The following EPM2A variants were observed in gnomAD, a reference collection of about 807,000 sequenced individuals.
EPM2A encodes the protein laforin.
EPM2A carries 21 observed loss-of-function variants against 26.5 expected under a neutral mutation model. The ratio of observed to expected loss-of-function variants is 0.79; its 90% CI spans 0.56 to 1.14. The LOEUF (loss-of-function observed/expected upper bound fraction) is 1.14, where lower values mean the gene tolerates loss of function less well. Ranked by LOEUF, EPM2A falls within the 50% of genes most tolerant of loss-of-function variation. The pLI is 0.00. For synonymous variants in EPM2A, 217 were observed against 177.6 expected (o/e 1.22, Z -1.76); for missense variants, 458 against 440.8 (o/e 1.04, Z -0.35).
At chr6:145,635,014 T>C (rs1776539163) in intron 3 of EPM2A, 2 of 464,758 alleles carry the variant, frequency 4.3e-6, no homozygotes, top group African/African-American at 2.0e-5. Context: ...TAATGCCGCA[T>C]ACCCAGTACA....
chr6:145,692,746 G>C (rs897849166), intron 1 of EPM2A, among the ~76,000 whole-genome samples: 2 of 151,740 alleles, frequency 1.3e-5, no homozygotes, highest in African/African-American at 2.4e-5. Flanking sequence ...ATTATTTCTG[G>C]GCTCTCTATT....
intron 2 of EPM2A, among the ~76,000 whole-genome samples, chr6:145,610,798 G>C (rs888656354): frequency 2.0e-5 from 3 of 152,170 alleles, no homozygotes; most frequent in Non-Finnish European, 4.4e-5. Flanking sequence ...ATAGTGGTCA[G>C]AGCAAAAGTC....
At chr6:145,581,248 T>C (rs557230269) in intron 2 of EPM2A, among the ~76,000 whole-genome samples, 2 of 152,174 alleles carry the variant, frequency 1.3e-5, no homozygotes, top group Non-Finnish European at 2.9e-5. Flanking sequence ...ATTTCTCAAA[T>C]GATTAGTGAT....
At chr6:145,643,366 T>A (rs1475146963) in intron 2 of EPM2A, among the ~76,000 whole-genome samples, 2 of 152,210 alleles carry the variant, frequency 1.3e-5, no homozygotes, top group African/African-American at 4.8e-5. Context: ...ATTCAATTCC[T>A]TTTGTTTTCC....
intron 4 of EPM2A, among the ~76,000 whole-genome samples, chr6:145,441,873 C>CAAAACA (rs988533115): frequency 3.3e-5 from 5 of 151,994 alleles, no homozygotes; most frequent in East Asian, 1.9e-4. Flanking sequence ...AAAACAACAA[C>CAAAACA]AAAACAAAAA....
intron 2 of EPM2A, among the ~76,000 whole-genome samples, chr6:145,557,598 T>C (rs747937398): frequency 7.2e-5 from 11 of 152,104 alleles, no homozygotes; most frequent in Non-Finnish European, 1.3e-4. Flanking sequence ...TTATTTATCA[T>C]TTTATTTTTA....
chr6:145,466,873 C>T (rs1484238689), intron 4 of EPM2A, among the ~76,000 whole-genome samples: 1 of 152,134 alleles, frequency 6.6e-6, no homozygotes, highest in Admixed American at 6.6e-5. Flanking sequence ...AATCATCATT[C>T]TCAGTAAACT....
chr6:145,428,606 A>G (rs1778883147), intron 4 of EPM2A, among the ~76,000 whole-genome samples: 1 of 152,254 alleles, frequency 6.6e-6, no homozygotes, highest in Non-Finnish European at 1.5e-5. Flanking sequence ...TCATCTAGAA[A>G]CGGAGTTTAT....
intron 4 of EPM2A, among the ~76,000 whole-genome samples, chr6:145,456,135 G>A (rs910353306): frequency 4.6e-5 from 7 of 152,198 alleles, no homozygotes; most frequent in African/African-American, 1.7e-4. Context: ...CCAGTTACCT[G>A]CATGGCTGTC....
Position 145,626,237 on chromosome 6 carries a change from T to G in EPM2A, c.*1179A>C. ...CAGCACATTTTTGAAGGCAAAGTTG[T>G]TCATCTCTGTATTTCCTGTAGAACC... On this transcript the variant is annotated 3_prime_UTR_variant, in exon 4 of 4. Transcript: ENST00000367519. The G allele has an allele frequency of 1.0e-6, 1 of 991,602 alleles. No homozygotes were observed. Among genetic ancestry groups the G allele is most frequent in the Middle Eastern group, 5.2e-4 (1 of 1,920 alleles). The allele number at this position is 991,602 out of a possible 1,614,324, so 61.4% of individuals were successfully genotyped here. A position where few individuals can be genotyped will look rare whatever the true frequency, so the allele number is the denominator to read the frequency against.
At chr6:145,658,729 GAC>G (rs1269661829) in intron 2 of EPM2A, among the ~76,000 whole-genome samples, 1 of 152,096 alleles carries the variant, frequency 6.6e-6, no homozygotes, top group African/African-American at 2.4e-5. Context: ...GTAGTGAAAA[GAC>G]ACAGTAGTTT....
chr6:145,406,607 C>A (rs1778572985), intron 4 of EPM2A, among the ~76,000 whole-genome samples: 1 of 152,088 alleles, frequency 6.6e-6, no homozygotes, highest in Admixed American at 6.6e-5. Flanking sequence ...ACTGCAATAG[C>A]CCAGGCAGGT....
At chr6:145,534,797 C>A (rs768037108) in intron 2 of EPM2A, among the ~76,000 whole-genome samples, 1 of 152,116 alleles carries the variant, frequency 6.6e-6, no homozygotes, top group Non-Finnish European at 1.5e-5. Flanking sequence ...CCTCATAAAG[C>A]GTCATTTGGT....
At chr6:145,622,162 A>G (rs1775651086), downstream of EPM2A, among the ~76,000 whole-genome samples, 1 of 152,128 alleles carries the variant, frequency 6.6e-6, no homozygotes, top group Non-Finnish European at 1.5e-5. Flanking sequence ...TATGTCCTTT[A>G]GTAATGTTGG....
chr6:145,435,687 C>A (rs1582753082), intron 4 of EPM2A, among the ~76,000 whole-genome samples: 1 of 151,800 alleles, frequency 6.6e-6, no homozygotes, highest in Non-Finnish European at 1.5e-5. Context: ...CAGACTGATA[C>A]AACTACTAAT....
At chr6:145,536,586 T>C (rs1018889054) in intron 2 of EPM2A, among the ~76,000 whole-genome samples, 21 of 152,086 alleles carry the variant, frequency 1.4e-4, no homozygotes, top group African/African-American at 4.3e-4. Context: ...TGTGAGCCAC[T>C]GCACCTGGCC....
chr6:145,410,385 G>C (rs898498495), intron 4 of EPM2A, among the ~76,000 whole-genome samples: 3 of 152,182 alleles, frequency 2.0e-5, no homozygotes, highest in Non-Finnish European at 2.9e-5. Flanking sequence ...AGAGGTTTGA[G>C]GGCAAATTGG....
rs1780561413 is a variant in EPM2A, at chr6:145,544,723, G to A, written c.341-42148C>T. Among the ~76,000 whole-genome samples, 3 of 152,184 alleles carry A rather than the reference G, an allele frequency of 2.0e-5. No homozygotes were observed. The South Asian group carries it at 6.2e-4, about 31-fold the overall frequency. ...AGGATGATGAATCACTTCAAAAGGA[G>A]TGGCTTTTGCTCAGATCAGCCCACC... On this transcript the variant is annotated intron_variant, in intron 2 of 3. Coordinates refer to the EPM2A transcript ENST00000450221.
intron 4 of EPM2A, among the ~76,000 whole-genome samples, chr6:145,389,203 T>C (rs1778304879): frequency 1.3e-5 from 2 of 150,464 alleles, no homozygotes. Context: ...TCATCTTTTT[T>C]TCTTTTTTTT....
Sources: gnomAD v4.1 joint callset for allele counts (sites outside exome capture counted in the v4.1 genomes callset) on GRCh38, gnomAD v4.1.1 for gene constraint, MANE v1.5 for transcripts, NCBI Gene and HGNC (gene_info 2026-07-23, HGNC 2026-07-21) for gene names.